SCN9A: variants seen among roughly 807,000 people sequenced by gnomAD.
SCN9A encodes sodium voltage-gated channel alpha subunit 9.
A neutral mutation model predicts 187.0 loss-of-function variants in SCN9A; 131 were observed. The observed-to-expected ratio is 0.70, with a 90% CI of 0.61 to 0.81. SCN9A has a LOEUF of 0.81. Ranked by LOEUF, SCN9A falls within the 30% of genes least tolerant of loss-of-function variation. The pLI, the probability that SCN9A is intolerant of heterozygous loss-of-function variation, is 0.00. For missense variants in SCN9A, 2,252 were observed against 2,396.6 expected, an observed-to-expected ratio of 0.94 and a Z score of 1.26; for synonymous variants, 809 against 808.6, an observed-to-expected ratio of 1.00 and a Z score of -0.01.
At chr2:166,214,822 T>A (rs1333058439) in intron 24 of SCN9A, among the ~76,000 whole-genome samples, 9 of 151,868 alleles carry the variant, frequency 5.9e-5, no homozygotes, top group Non-Finnish European at 1.0e-4. Context: ...CCACAATCTT[T>A]CTTTTAAAAG....
intron 20 of SCN9A, among the ~76,000 whole-genome samples, chr2:166,235,603 T>C (rs1452291453): frequency 6.6e-6 from 1 of 152,058 alleles, no homozygotes; most frequent in Non-Finnish European, 1.5e-5. Flanking sequence ...AGTTCTCACC[T>C]ACATGTGCCA....
intron 18 of SCN9A, among the ~76,000 whole-genome samples, 165 bp downstream of exon 18, chr2:166,251,600 A>G (rs1196976181): frequency 6.6e-6 from 1 of 152,084 alleles, no homozygotes; most frequent in Non-Finnish European, 1.5e-5. Flanking sequence ...ACTCAAGCTT[A>G]GAGAGCTCTA....
chr2:166,220,655 G>A (rs1694544226), intron 24 of SCN9A, among the ~76,000 whole-genome samples: 1 of 152,148 alleles, frequency 6.6e-6, no homozygotes, highest in Non-Finnish European at 1.5e-5. Context: ...GATGAGAACA[G>A]AGGAAATATA....
At chr2:166,372,854 C>T (rs992175457) in intron 1 of SCN9A, among the ~76,000 whole-genome samples, 1 of 152,090 alleles carries the variant, frequency 6.6e-6, no homozygotes, top group African/African-American at 2.4e-5. Context: ...ATTCTGGAAG[C>T]TAAGTCAACA....
Position 166,228,626 on chromosome 2 carries a change from A to C in SCN9A, c.4206+65T>G, listed in dbSNP as rs557395266. The C allele has an allele frequency of 8.7e-5, 108 of 1,248,234 alleles. No homozygotes were observed. The African/African-American group carries it at 2.2e-3, about 25-fold the overall frequency. The allele number at this position is 1,248,234 out of a possible 1,614,324, so 77.3% of individuals were successfully genotyped here. A position where few individuals can be genotyped will look rare whatever the true frequency, so the allele number is the denominator to read the frequency against. On this transcript the variant is annotated intron_variant, in intron 22 of 26. Coordinates refer to ENST00000642356, the MANE Select transcript of SCN9A (RefSeq NM_001365536.1). ...TTTATAATTAATATACTATTTAAAG[A>C]ATAACTTATATCCTTCGTCCAATAT...
intron 1 of SCN9A, among the ~76,000 whole-genome samples, chr2:166,372,291 G>A (rs534839750): frequency 8.5e-5 from 13 of 152,272 alleles, no homozygotes; most frequent in South Asian, 8.3e-4. Context: ...TGTACCTGGG[G>A]CAAACATCAA....
intron 1 of SCN9A, among the ~76,000 whole-genome samples, chr2:166,332,235 C>T (rs1193648003): frequency 6.6e-6 from 1 of 152,156 alleles, no homozygotes; most frequent in Non-Finnish European, 1.5e-5. Flanking sequence ...GTCTAGCCAG[C>T]TGGGTCTGCC....
intron 1 of SCN9A, among the ~76,000 whole-genome samples, chr2:166,346,730 C>T (rs1051780440): frequency 2.6e-5 from 4 of 151,986 alleles, no homozygotes; most frequent in Non-Finnish European, 5.9e-5. Flanking sequence ...TGCAGAGAAA[C>T]CTATCATTGT....
intron 17 of SCN9A, among the ~76,000 whole-genome samples, chr2:166,252,614 C>A (rs544197591): frequency 1.3e-5 from 2 of 151,796 alleles, no homozygotes; most frequent in African/African-American, 2.4e-5. Flanking sequence ...AAGTAAGCAC[C>A]ACATGCAAAC....
At chr2:166,345,530 A>C (rs1699879932) in intron 1 of SCN9A, among the ~76,000 whole-genome samples, 1 of 142,834 alleles carries the variant, frequency 7.0e-6, no homozygotes, top group African/African-American at 2.8e-5. Flanking sequence ...AGTAACAAAA[A>C]AAAGTAGGGA....
rs944289632 is a variant in SCN9A at position 166,204,341 on chromosome 2, G to C, written c.4503+19C>G. The C allele has an allele frequency of 1.9e-6, 3 of 1,576,810 alleles. No individual in the cohort carries two copies. The Admixed American group carries it at 5.1e-5, about 27-fold the overall frequency. On this transcript the variant is annotated intron_variant, in intron 25 of 26. Transcript: ENST00000642356. ...ATAATTTGAAAATCTATATGCTAAA[G>C]ATATATATATTTTTTTACCCCTGGT...
chr2:166,308,548 C>T (rs928864806), intron 2 of SCN9A, among the ~76,000 whole-genome samples: 2 of 152,154 alleles, frequency 1.3e-5, no homozygotes, highest in Admixed American at 1.3e-4. Context: ...GCCTCCCCTG[C>T]CATTCAGAAC....
At chr2:166,335,815 T>C (rs1433892404) in intron 1 of SCN9A, among the ~76,000 whole-genome samples, 1 of 152,142 alleles carries the variant, frequency 6.6e-6, no homozygotes, top group African/African-American at 2.4e-5. Flanking sequence ...TAATGATGAT[T>C]ACCTGTTCAC....
intron 1 of SCN9A, among the ~76,000 whole-genome samples, chr2:166,364,486 C>G (rs937430088): frequency 3.3e-5 from 5 of 152,112 alleles, no homozygotes; most frequent in African/African-American, 1.2e-4. Context: ...CAATAAAATA[C>G]TACACAGCCT....
chr2:166,232,748 TATATAGAGAG>T (rs1211746609), intron 21 of SCN9A, among the ~76,000 whole-genome samples: 2 of 83,964 alleles, frequency 2.4e-5, no homozygotes, highest in African/African-American at 4.5e-5. Flanking sequence ...TATATATATA[TATATAGAGAG>T]AGAGAGAGTA....
At chr2:166,205,906 T>C (rs1693779042) in intron 24 of SCN9A, among the ~76,000 whole-genome samples, 1 of 152,018 alleles carries the variant, frequency 6.6e-6, no homozygotes. Flanking sequence ...AACAGACATA[T>C]GAAAAAATGC....
chr2:166,222,960 A>AAAAAAAAAAAAAAAC (rs1694679587), intron 24 of SCN9A, among the ~76,000 whole-genome samples: 3 of 146,692 alleles, frequency 2.0e-5, no homozygotes, highest in Non-Finnish European at 3.0e-5. Context: ...AAAAAAAAAA[A>AAAAAAAAAAAAAAAC]AAAAAAAAAA....
chr2:166,318,221 A>G (rs550435904), intron 1 of SCN9A, among the ~76,000 whole-genome samples: 186 of 152,016 alleles, frequency 1.2e-3, no homozygotes, highest in Non-Finnish European at 2.2e-3. Flanking sequence ...TGACTCCCTT[A>G]TCTACTCCTC....
At chr2:166,232,493 A>G (rs1044176363) in intron 21 of SCN9A, among the ~76,000 whole-genome samples, 49 of 152,278 alleles carry the variant, frequency 3.2e-4, no homozygotes, top group African/African-American at 1.2e-3. Flanking sequence ...GTAGTTTCTT[A>G]AACAAATATT....
Sources: gnomAD v4.1 joint callset for allele counts (sites outside exome capture counted in the v4.1 genomes callset) on GRCh38, gnomAD v4.1.1 for gene constraint, MANE v1.5 for transcripts, NCBI Gene and HGNC (gene_info 2026-07-23, HGNC 2026-07-21) for gene names.